Variants in LRP1B observed in about 807,000 individuals in gnomAD.
The protein encoded by LRP1B is low-density lipoprotein receptor-related protein 1B.
In LRP1B, 217 loss-of-function variants were observed where a neutral mutation model predicts 556.6. The observed-to-expected ratio is 0.39, with a 90% CI of 0.35 to 0.44. LRP1B has a LOEUF of 0.44. LRP1B is among the 20% of genes least tolerant of loss of function. LRP1B has a pLI of 1.00. For synonymous variants in LRP1B, 2,047 were observed against 1,865.8 expected, an observed-to-expected ratio of 1.10 and a Z score of -2.50; for missense variants, 5,053 against 5,620.8, an observed-to-expected ratio of 0.90 and a Z score of 3.23.
intron 3 of LRP1B, among the ~76,000 whole-genome samples, chr2:141,455,070 T>C (rs1266806970): frequency 6.6e-6 from 1 of 152,184 alleles, no homozygotes; most frequent in Non-Finnish European, 1.5e-5. Context: ...TATTATGGTA[T>C]TGTAATTGCC....
At chr2:141,004,567 C>A (rs1697515139) in intron 15 of LRP1B, among the ~76,000 whole-genome samples, 2 of 152,040 alleles carry the variant, frequency 1.3e-5, no homozygotes, top group Non-Finnish European at 2.9e-5. Context: ...TAAGACTCAT[C>A]AGTTTTTATA....
intron 3 of LRP1B, among the ~76,000 whole-genome samples, chr2:141,450,464 T>A (rs1681375655): frequency 1.3e-5 from 2 of 152,096 alleles, no homozygotes; most frequent in East Asian, 3.9e-4. Flanking sequence ...TATAAAGTAC[T>A]TAGGAAGGTG....
At chr2:141,548,428 G>C (rs754041771) in intron 2 of LRP1B, among the ~76,000 whole-genome samples, 1 of 152,222 alleles carries the variant, frequency 6.6e-6, no homozygotes, top group Non-Finnish European at 1.5e-5. Context: ...ATTAGATGTG[G>C]ATTACATAGG....
chr2:142,116,148 G>A (rs1177549257), intron 1 of LRP1B, among the ~76,000 whole-genome samples: 1 of 121,712 alleles, frequency 8.2e-6, no homozygotes, highest in Non-Finnish European at 1.6e-5. Context: ...AGCTGAGACC[G>A]CAACACTGAA....
At chr2:141,296,822 C>G (rs981848317) in intron 3 of LRP1B, among the ~76,000 whole-genome samples, 19 of 152,094 alleles carry the variant, frequency 1.2e-4, no homozygotes, top group Admixed American at 8.5e-4. Flanking sequence ...TACCCAGGTA[C>G]TGAGCATAGT....
chr2:140,716,948 CA>C (rs1215425628), intron 35 of LRP1B, 132 bp from the exon 36 acceptor site: 1 of 426,126 alleles, frequency 2.3e-6, no homozygotes, highest in African/African-American at 2.0e-5. Context: ...AAGTATTCTT[CA>C]GGATAATTTA....
chr2:141,462,631 G>T (rs1280738901), intron 3 of LRP1B, among the ~76,000 whole-genome samples: 1 of 151,992 alleles, frequency 6.6e-6, no homozygotes, highest in Non-Finnish European at 1.5e-5. Flanking sequence ...TGCACGTTTT[G>T]CACATGTATC....
chr2:140,410,572 T>A (rs996883026), intron 66 of LRP1B, among the ~76,000 whole-genome samples: 6 of 152,158 alleles, frequency 3.9e-5, no homozygotes, highest in African/African-American at 1.4e-4. Flanking sequence ...ATGCTTGAGC[T>A]GAATTTAATA....
At chr2:140,587,606 G>A (rs1465582864) in intron 43 of LRP1B, among the ~76,000 whole-genome samples, 1 of 152,072 alleles carries the variant, frequency 6.6e-6, no homozygotes, top group East Asian at 1.9e-4. Context: ...TTGGTCAAAG[G>A]ATACAAATTT....
intron 1 of LRP1B, among the ~76,000 whole-genome samples, chr2:141,929,912 CAAAAAAAAAAAAAAA>C (rs70994467): frequency 9.6e-6 from 1 of 104,134 alleles, no homozygotes; most frequent in African/African-American, 3.8e-5. Context: ...CGGATGGAAA[CAAAAAAAAAAAAAAA>C]AAAAAAAAAA....
chr2:141,628,304 T>C (rs1001349649), intron 2 of LRP1B, among the ~76,000 whole-genome samples: 3 of 152,210 alleles, frequency 2.0e-5, no homozygotes, highest in African/African-American at 4.8e-5. Flanking sequence ...AAACATTGTA[T>C]TGGATTCAGA....
chr2:141,671,368 A>G (rs1271927043), intron 2 of LRP1B, among the ~76,000 whole-genome samples: 1 of 152,182 alleles, frequency 6.6e-6, no homozygotes, highest in Non-Finnish European at 1.5e-5. Context: ...GGTGGCAGCC[A>G]GGGAGTGAAG....
chr2:140,567,180 C>T (rs1233805774), intron 43 of LRP1B, among the ~76,000 whole-genome samples: 1 of 152,066 alleles, frequency 6.6e-6, no homozygotes, highest in Non-Finnish European at 1.5e-5. Context: ...TGCTGAGATA[C>T]CTTCTCTCTG....
intron 12 of LRP1B, among the ~76,000 whole-genome samples, chr2:141,018,464 G>A (rs1697972187): frequency 6.6e-6 from 1 of 152,030 alleles, no homozygotes; most frequent in Non-Finnish European, 1.5e-5. Context: ...GATGCTATAG[G>A]TTTCTAATAT....
At chr2:140,994,857 T>C (rs1031071268) in intron 15 of LRP1B, among the ~76,000 whole-genome samples, 7 of 152,068 alleles carry the variant, frequency 4.6e-5, no homozygotes, top group Admixed American at 6.6e-5. Flanking sequence ...GTTGTCTCAT[T>C]TAACTTAATT....
intron 3 of LRP1B, among the ~76,000 whole-genome samples, chr2:141,464,459 C>A (rs1682082808): frequency 6.6e-6 from 1 of 150,398 alleles, no homozygotes; most frequent in South Asian, 2.1e-4. Context: ...GTACCCCAGG[C>A]TGGAGTGCAG....
intron 2 of LRP1B, among the ~76,000 whole-genome samples, chr2:141,742,034 T>C (rs894809974): frequency 6.6e-6 from 1 of 152,132 alleles, no homozygotes; most frequent in Non-Finnish European, 1.5e-5. Flanking sequence ...CCCTGCAACA[T>C]TGATTGAAGA....
At position 142,062,549 on chromosome 2, in the gene LRP1B, G is replaced by A. The variant is rs985089991; in HGVS notation, c.82+68099C>T. Among the ~76,000 whole-genome samples, 17 of 151,854 alleles carry A rather than the reference G, an allele frequency of 1.1e-4. No individual in the cohort carries two copies. The Middle Eastern group carries it at 0.01, about 91-fold the overall frequency. ...ACTAGATGGAGCAGAAATAATTAAT[G>A]TTGCTTTTCGGCAGCATGATTTATC... On this transcript the variant is annotated intron_variant, in intron 1 of 90. Coordinates refer to ENST00000389484, the MANE Select transcript of LRP1B (RefSeq NM_018557.3).
intron 1 of LRP1B, among the ~76,000 whole-genome samples, chr2:142,054,732 A>G (rs1704599055): frequency 6.6e-6 from 1 of 152,050 alleles, no homozygotes; most frequent in Non-Finnish European, 1.5e-5. Flanking sequence ...CACCTTATTT[A>G]ATATTTTGAA....
Sources: gnomAD v4.1 joint callset for allele counts (sites outside exome capture counted in the v4.1 genomes callset) on GRCh38, gnomAD v4.1.1 for gene constraint, MANE v1.5 for transcripts, NCBI Gene and HGNC (gene_info 2026-07-23, HGNC 2026-07-21) for gene names.